HELQ: variants seen among roughly 807,000 people sequenced by gnomAD.
HELQ encodes helicase POLQ-like.
In HELQ, 77 loss-of-function variants were observed where a neutral mutation model predicts 111.6. The ratio of observed to expected loss-of-function variants is 0.69; its 90% CI spans 0.57 to 0.83. HELQ has a LOEUF of 0.83. Ranked by LOEUF, HELQ falls within the 40% of genes least tolerant of loss-of-function variation. The probability of loss-of-function intolerance (pLI) is 0.00; values close to 1 mark genes in which losing one functional copy is unlikely to be tolerated. For synonymous variants in HELQ, 438 were observed against 454.7 expected (o/e 0.96, Z 0.47); for missense variants, 1,200 against 1,288.5 (o/e 0.93, Z 1.05).
At chr4:83,408,811 T>C (rs1485232357) in intron 17 of HELQ, among the ~76,000 whole-genome samples, 1 of 149,500 alleles carries the variant, frequency 6.7e-6, no homozygotes, top group Non-Finnish European at 1.5e-5. Flanking sequence ...AAATAGAGGG[T>C]CTAAAATGAA....
At chr4:83,437,776 T>A (rs910438450) in intron 8 of HELQ, among the ~76,000 whole-genome samples, 1 of 152,174 alleles carries the variant, frequency 6.6e-6, no homozygotes, top group African/African-American at 2.4e-5. Context: ...TTTTTCTTTA[T>A]AACATATATC....
chr4:83,446,793 G>A (rs902229758), intron 4 of HELQ, 42 bp downstream of exon 4: 4 of 1,165,700 alleles, frequency 3.4e-6, no homozygotes, highest in African/African-American at 1.5e-5. Flanking sequence ...TAAATATTTA[G>A]TATAATAAAA....
intron 15 of HELQ, among the ~76,000 whole-genome samples, chr4:83,420,096 G>A (rs557593580): frequency 6.6e-5 from 10 of 152,222 alleles, no homozygotes; most frequent in Admixed American, 2.0e-4. Context: ...TCTAAATGCA[G>A]CAAAAATGGC....
At chr4:83,439,097 T>C (rs557961939) in intron 8 of HELQ, among the ~76,000 whole-genome samples, 76 of 152,238 alleles carry the variant, frequency 5.0e-4, no homozygotes, top group Middle Eastern at 3.4e-3. Flanking sequence ...AGACTGAGTC[T>C]CCCTCTGTCA....
In HELQ at chr4:83,439,281, G is replaced by C. The variant is rs571339173; in HGVS notation, c.1808+582C>G. On this transcript the variant is annotated intron_variant, in intron 8 of 17. Coordinates refer to ENST00000295488, the MANE Select transcript of HELQ (RefSeq NM_133636.5). ...AGGATTTCACTATGTTGGCCAGGCT[G>C]GTCTTGAACTCCTGACCTCATGATC... 3.3e-3 allele frequency among the ~76,000 whole-genome samples: 496 copies of C among 151,192 alleles called. 6 individuals carry two copies. The highest frequency in any genetic ancestry group is 0.011 in the African/African-American group (466 of 41,012).
intron 9 of HELQ, among the ~76,000 whole-genome samples, chr4:83,432,904 C>A (rs762018426): frequency 4.0e-5 from 6 of 151,746 alleles, no homozygotes; most frequent in African/African-American, 7.3e-5. Flanking sequence ...ACAACAACAA[C>A]AAAAAACTGG....
At chr4:83,414,388 T>C (rs1739260478) in intron 17 of HELQ, among the ~76,000 whole-genome samples, 1 of 152,190 alleles carries the variant, frequency 6.6e-6, no homozygotes, top group African/African-American at 2.4e-5. Flanking sequence ...GGGTGGACCG[T>C]CTCTCAAATG....
chr4:83,429,483 A>T, intron 12 of HELQ, 41 bp downstream of exon 12: 1 of 1,344,784 alleles, frequency 7.4e-7, no homozygotes, highest in South Asian at 1.3e-5. Context: ...ATTTTTTCCA[A>T]TGTGTTTCCT....
At chr4:83,454,891 C>T (rs1721660843) in intron 1 of HELQ, among the ~76,000 whole-genome samples, 1 of 152,106 alleles carries the variant, frequency 6.6e-6, no homozygotes, top group African/African-American at 2.4e-5. Context: ...CTAGACACTC[C>T]AAGGAGTTCC....
chr4:83,450,807 T>C (rs1219334901), intron 2 of HELQ, among the ~76,000 whole-genome samples: 1 of 151,804 alleles, frequency 6.6e-6, no homozygotes, highest in African/African-American at 2.4e-5. Flanking sequence ...CTCTACAAAA[T>C]ATAAAAAAAT....
chr4:83,452,819 G>C (rs1721468161), intron 2 of HELQ, among the ~76,000 whole-genome samples: 6 of 152,196 alleles, frequency 3.9e-5, no homozygotes, highest in Admixed American at 3.9e-4. Context: ...GAGAGAATGA[G>C]AGCACAGAAC....
intron 15 of HELQ, among the ~76,000 whole-genome samples, chr4:83,420,605 T>C (rs1340671310): frequency 6.6e-6 from 1 of 152,052 alleles, no homozygotes; most frequent in East Asian, 1.9e-4. Flanking sequence ...GCCAATATGG[T>C]GAAACCCTAT....
At position 83,436,881 on chromosome 4, in the gene HELQ, T is replaced by G; in HGVS notation, c.2025A>C (p.Ala675=). The G allele has an allele frequency of 6.2e-7, 1 of 1,613,982 alleles. No individual in the cohort carries two copies. Among genetic ancestry groups the G allele is most frequent in the Non-Finnish European group, 8.5e-7 (1 of 1,179,882 alleles). ...CLFTCTSTLA[A]GVNLPARRVI... ...ACCTTCGAGCTGGTAGGTTGACACC[T>G]GCCGCTAGGGTAGATGTGCAGGTAA... The change falls in exon 9 of 18, where the codon GCA becomes GCC. Residue 675 remains alanine, a synonymous_variant. Transcript: ENST00000295488.
chr4:83,418,830 T>G (rs967833337), intron 15 of HELQ, among the ~76,000 whole-genome samples: 4 of 152,190 alleles, frequency 2.6e-5, no homozygotes, highest in African/African-American at 9.6e-5. Context: ...GAAATCAACG[T>G]AATGAAGATG....
At chr4:83,424,756 C>T (rs1719753137) in intron 14 of HELQ, among the ~76,000 whole-genome samples, 1 of 152,006 alleles carries the variant, frequency 6.6e-6, no homozygotes, top group Non-Finnish European at 1.5e-5. Flanking sequence ...TAGGGTTTCA[C>T]CATGTTGGTC....
intron 17 of HELQ, among the ~76,000 whole-genome samples, chr4:83,414,277 C>T (rs1739252364): frequency 1.3e-5 from 2 of 152,164 alleles, no homozygotes; most frequent in African/African-American, 2.4e-5. Flanking sequence ...ACTCCGTGGG[C>T]AGTTTCTGCT....
Position 83,421,752 on chromosome 4 carries a change from C to A in HELQ, c.2776-16G>T. ...TGTCCACCTTCTAGAAAGACACAAT[C>A]AAATAAATTCGTTTACTAGACCTGC... is the stretch of plus-strand genomic sequence containing the variant. On this transcript the variant is annotated splice_polypyrimidine_tract_variant and intron_variant, in intron 14 of 17. Coordinates refer to ENST00000295488, the MANE Select transcript of HELQ (RefSeq NM_133636.5). 2 of 1,605,364 alleles carry A rather than the reference C, an allele frequency of 1.2e-6. No homozygotes were observed. The highest frequency in any genetic ancestry group is 1.1e-5 in the South Asian group (1 of 89,898).
In HELQ at chr4:83,449,474, T is replaced by A. The variant is rs528220163; in HGVS notation, c.1013-513A>T. On this transcript the variant is annotated intron_variant, in intron 2 of 17. Coordinates refer to ENST00000295488, the MANE Select transcript of HELQ (RefSeq NM_133636.5). ...CTCTCATGGAGACCTGAACTTCGAA[T>A]GGGTCCAAAACCATTTTAAACTGTT... Among the ~76,000 whole-genome samples the A allele has an allele frequency of 5.9e-5, 9 of 152,344 alleles. No homozygotes were observed. In the South Asian group the frequency reaches 1.7e-3, roughly 28 times the overall value.
Position 83,455,792 on chromosome 4 carries a change from C to G in HELQ, c.-99G>C, listed in dbSNP as rs1721763466. 8.1e-7 allele frequency: 1 copy of G among 1,230,688 alleles called. No individual in the cohort carries two copies. Among genetic ancestry groups the G allele is most frequent in the African/African-American group, 1.5e-5 (1 of 66,998 alleles). 76.2% of individuals were successfully genotyped at this position (1,230,688 alleles called of 1,614,324 possible). On this transcript the variant is annotated 5_prime_UTR_variant, in exon 1 of 18. Transcript: ENST00000295488. ...GGGACGCCGGAGCCCGCTTCTACAT[C>G]CACCTTGGGAAAAGACCCCAAGTTA...
Sources: allele counts gnomAD v4.1 joint callset (sites outside exome capture counted in the v4.1 genomes callset), GRCh38; gene constraint gnomAD v4.1.1; transcripts MANE v1.5; gene names NCBI Gene and HGNC (gene_info 2026-07-23, HGNC 2026-07-21).